COL5A2: variants seen among roughly 807,000 people sequenced by gnomAD.
COL5A2 encodes collagen alpha-2(V) chain.
COL5A2 carries 23 observed loss-of-function variants against 208.2 expected under a neutral mutation model. That is an observed-to-expected ratio of 0.11 (90% CI 0.08 to 0.16). The LOEUF (loss-of-function observed/expected upper bound fraction) is 0.16. Among genes scored for constraint, COL5A2 ranks in the 10% least tolerant of loss-of-function variants. COL5A2 has a pLI of 1.00. For synonymous variants in COL5A2, 625 were observed against 628.5 expected, an observed-to-expected ratio of 0.99 and a Z score of 0.08; for missense variants, 1,590 against 1,956.4, an observed-to-expected ratio of 0.81 and a Z score of 3.53.
intron 1 of COL5A2, among the ~76,000 whole-genome samples, chr2:189,176,920 G>C (rs1688689279): frequency 6.6e-6 from 1 of 152,096 alleles, no homozygotes; most frequent in Admixed American, 6.5e-5. Flanking sequence ...AATCAAATCA[G>C]TTCTTAAAAC....
At chr2:189,114,473 CATAAT>C (rs554560894) in intron 1 of COL5A2, among the ~76,000 whole-genome samples, 1 of 151,966 alleles carries the variant, frequency 6.6e-6, no homozygotes, top group East Asian at 1.9e-4. Context: ...GTAAAGTTGT[CATAAT>C]AGAATTATTT....
chr2:189,386,233 C>T, the COL5A2 span, among the ~76,000 whole-genome samples: 1 of 151,856 alleles, frequency 6.6e-6, no homozygotes, highest in Non-Finnish European at 1.5e-5. Flanking sequence ...AGAAAAAGAC[C>T]CCCTAATCAA....
At chr2:189,104,033 T>C (rs1259047988) in intron 3 of COL5A2, among the ~76,000 whole-genome samples, 3 of 152,010 alleles carry the variant, frequency 2.0e-5, no homozygotes, top group African/African-American at 4.8e-5. Flanking sequence ...GTCACAACTT[T>C]CTGGCAGAAA....
chr2:189,064,980 T>C, intron 24 of COL5A2, 24 bp downstream of exon 24: 2 of 1,612,672 alleles, frequency 1.2e-6, no homozygotes, highest in Non-Finnish European at 1.7e-6. Context: ...CACGTAAGTA[T>C]CAACATTGAC....
intron 8 of COL5A2, among the ~76,000 whole-genome samples, chr2:189,087,696 TGACCTTGTGA>T (rs202229743): frequency 0.13 from 19,784 of 150,752 alleles, 1,327 homozygotes; most frequent in Middle Eastern, 0.19. Context: ...CTCAATCTCC[TGACCTTGTGA>T]TCCGTCTGCC....
upstream of COL5A2, among the ~76,000 whole-genome samples, chr2:189,184,115 A>T (rs1289185874): frequency 6.6e-6 from 1 of 152,204 alleles, no homozygotes; most frequent in Non-Finnish European, 1.5e-5. Flanking sequence ...CAAATATACA[A>T]ACAAGGTGAT....
the COL5A2 span, among the ~76,000 whole-genome samples, chr2:189,251,829 A>C: frequency 2.6e-5 from 4 of 152,280 alleles, no homozygotes; most frequent in Admixed American, 1.3e-4. Context: ...AGCCAATCTA[A>C]AGAATGGGAG....
At chr2:189,100,004 CTAATT>C (rs1489415388) in intron 4 of COL5A2, 98 bp downstream of exon 4, 4 of 999,054 alleles carry the variant, frequency 4.0e-6, no homozygotes, top group Non-Finnish European at 6.1e-6. Flanking sequence ...TTTAAAATAA[CTAATT>C]TATTTTTGAA....
At chr2:189,234,147 T>C in the COL5A2 span, among the ~76,000 whole-genome samples, 1 of 151,694 alleles carries the variant, frequency 6.6e-6, no homozygotes, top group Non-Finnish European at 1.5e-5. Context: ...TACTTGTCAG[T>C]TTATCAAGTT....
At chr2:189,384,153 T>C in the COL5A2 span, among the ~76,000 whole-genome samples, 1 of 152,122 alleles carries the variant, frequency 6.6e-6, no homozygotes, top group Non-Finnish European at 1.5e-5. Flanking sequence ...TATCCCTTCA[T>C]CCACTGACGG....
At chr2:189,293,096 G>A in the COL5A2 span, among the ~76,000 whole-genome samples, 1 of 151,292 alleles carries the variant, frequency 6.6e-6, no homozygotes, top group Non-Finnish European at 1.5e-5. Context: ...ACACTCTGGG[G>A]ACTGTTGTGG....
the COL5A2 span, among the ~76,000 whole-genome samples, chr2:189,250,349 G>A: frequency 6.6e-6 from 1 of 152,086 alleles, no homozygotes; most frequent in Non-Finnish European, 1.5e-5. Flanking sequence ...TCATGAACTT[G>A]GTAAATCAAA....
At position 189,213,155 on chromosome 2, in the gene COL5A2, G is replaced by A. The variant is rs558164187; in HGVS notation, c.-42+11993C>T. Among the ~76,000 whole-genome samples the A allele has an allele frequency of 1.8e-4, 27 of 152,064 alleles. No homozygotes were observed. In the South Asian group the frequency reaches 5.2e-3, roughly 29 times the overall value. ...TCCATCCACCTCAGCCTCCCAAAGT[G>A]CAGGGATTACAGGCATGAGTCACCA... On this transcript the variant is annotated intron_variant, in intron 1 of 10. Coordinates refer to the COL5A2 transcript ENST00000649966.
chr2:189,329,906 G>GT, the COL5A2 span, among the ~76,000 whole-genome samples: 1 of 151,152 alleles, frequency 6.6e-6, no homozygotes, highest in Non-Finnish European at 1.5e-5. Flanking sequence ...CCAAATAATG[G>GT]TTGTTTTTTT....
chr2:189,042,662 G>A (rs2153506946), intron 49 of COL5A2, 58 bp downstream of exon 49: 2 of 1,491,706 alleles, frequency 1.3e-6, no homozygotes, highest in Non-Finnish European at 1.9e-6. Flanking sequence ...AGCATTAGCA[G>A]TACATCAACA....
chr2:189,354,689 GC>G, the COL5A2 span, among the ~76,000 whole-genome samples: 2 of 151,814 alleles, frequency 1.3e-5, no homozygotes, highest in African/African-American at 2.4e-5. Context: ...TATTAGTCTT[GC>G]TGGCATTCTA....
At chr2:189,060,382 T>C (rs1686001882) in intron 31 of COL5A2, among the ~76,000 whole-genome samples, 1 of 151,536 alleles carries the variant, frequency 6.6e-6, no homozygotes, top group Non-Finnish European at 1.5e-5. Flanking sequence ...AAATGAATCA[T>C]TCAAAGAAAA....
At chr2:189,128,973 A>T (rs183937179) in intron 1 of COL5A2, among the ~76,000 whole-genome samples, 1 of 152,076 alleles carries the variant, frequency 6.6e-6, no homozygotes, top group Admixed American at 6.6e-5. Context: ...GCTTTAATCA[A>T]TTAGGACTCT....
the COL5A2 span, among the ~76,000 whole-genome samples, chr2:189,241,152 T>G: frequency 2.2e-4 from 34 of 152,282 alleles, no homozygotes; most frequent in East Asian, 3.9e-4. Flanking sequence ...CCACCACATA[T>G]CCTCATTATT....
Sources: gnomAD v4.1 joint callset for allele counts (sites outside exome capture counted in the v4.1 genomes callset) on GRCh38, gnomAD v4.1.1 for gene constraint, MANE v1.5 for transcripts, NCBI Gene and HGNC (gene_info 2026-07-23, HGNC 2026-07-21) for gene names.